Variants in RPS6KC1 observed in about 807,000 individuals in gnomAD.
The protein encoded by RPS6KC1 is inactive ribosomal protein S6 kinase delta-1.
Under a neutral mutation model 103.8 loss-of-function variants are expected in RPS6KC1, and 54 were observed. The ratio of observed to expected loss-of-function variants is 0.52; its 90% CI spans 0.42 to 0.65. RPS6KC1 has a LOEUF of 0.65. RPS6KC1 is among the 30% of genes least tolerant of loss of function. The pLI, the probability that RPS6KC1 is intolerant of heterozygous loss-of-function variation, is 0.00. For missense variants in RPS6KC1, 1,151 were observed against 1,253.8 expected (o/e 0.92, Z 1.24); for synonymous variants, 439 against 438.7 (o/e 1.00, Z -0.01).
the RPS6KC1 span, among the ~76,000 whole-genome samples, chr1:213,447,829 C>T: frequency 6.6e-6 from 1 of 152,044 alleles, no homozygotes; most frequent in Admixed American, 6.6e-5. Flanking sequence ...TAACAATTGG[C>T]AGAGTAATTT....
intron 6 of RPS6KC1, 106 bp from the exon 7 acceptor site, chr1:213,167,752 T>C: frequency 1.8e-6 from 1 of 548,736 alleles, no homozygotes; most frequent in Non-Finnish European, 3.1e-6. Context: ...TATCTCTTCT[T>C]TTTTGTTAGA....
At chr1:213,245,374 C>A (rs2094438126) in intron 12 of RPS6KC1, among the ~76,000 whole-genome samples, 1 of 152,070 alleles carries the variant, frequency 6.6e-6, no homozygotes, top group Non-Finnish European at 1.5e-5. Context: ...CATGTGATCC[C>A]CTCCCTCTTA....
intron 6 of RPS6KC1, among the ~76,000 whole-genome samples, chr1:213,142,657 G>A (rs932655944): frequency 6.6e-6 from 1 of 151,990 alleles, no homozygotes; most frequent in Non-Finnish European, 1.5e-5. Flanking sequence ...GCTGCCATCC[G>A]GTAGATGGCG....
the RPS6KC1 span, among the ~76,000 whole-genome samples, chr1:213,303,678 A>G: frequency 6.6e-6 from 1 of 152,244 alleles, no homozygotes; most frequent in Non-Finnish European, 1.5e-5. Flanking sequence ...AATTATTTCA[A>G]GAATCCCCTG....
At chr1:213,145,967 G>GTTTTTTTTTTTTTTTTTTT (rs71573864) in intron 6 of RPS6KC1, among the ~76,000 whole-genome samples, 16 of 47,832 alleles carry the variant, frequency 3.3e-4, no homozygotes, top group African/African-American at 4.9e-4. Flanking sequence ...CATTCATTCT[G>GTTTTTTTTTTTTTTTTTTT]TTTTTTTTTT....
intron 12 of RPS6KC1, among the ~76,000 whole-genome samples, chr1:213,248,079 G>A (rs1402364503): frequency 1.3e-5 from 2 of 152,018 alleles, no homozygotes; most frequent in African/African-American, 2.4e-5. Flanking sequence ...ATAATTTATG[G>A]GACCTGGGTA....
the RPS6KC1 span, among the ~76,000 whole-genome samples, chr1:213,728,758 A>G: frequency 1.1e-4 from 17 of 152,098 alleles, no homozygotes; most frequent in African/African-American, 3.6e-4. Context: ...GCTTCTGCCA[A>G]TCAAATCTAG....
intron 3 of RPS6KC1, among the ~76,000 whole-genome samples, chr1:213,091,499 C>T (rs1324192554): frequency 6.6e-6 from 1 of 152,186 alleles, no homozygotes; most frequent in Admixed American, 6.5e-5. Context: ...TACTTTGTTA[C>T]ATTACAATCC....
chr1:213,629,630 T>C, the RPS6KC1 span, among the ~76,000 whole-genome samples: 1 of 152,156 alleles, frequency 6.6e-6, no homozygotes, highest in African/African-American at 2.4e-5. Flanking sequence ...GTCATTATGA[T>C]GTTAGCTGGT....
chr1:213,272,539 C>T lies in RPS6KC1; in HGVS notation c.3106C>T (p.Pro1036Ser). The change falls in exon 15 of 15, where the codon CCT becomes TCT. Residue 1036 changes from proline (P) to serine (S), a missense_variant. Pro to Ser is a moderately conservative substitution (Grantham distance 74). Transcript: ENST00000366960. ...CTTTTTTTAGCTCTTGCAGTTCAAT[C>T]CTCTGGAACGACTTGGTGCTGGAGT... is the stretch of plus-strand genomic sequence containing the variant. ...SLIQQLLQFN[P>S]LERLGAGVAG... 6.2e-7 allele frequency: 1 copy of T among 1,613,862 alleles called. No individual in the cohort carries two copies. The highest frequency in any genetic ancestry group is 8.5e-7 in the Non-Finnish European group (1 of 1,179,774).
the RPS6KC1 span, among the ~76,000 whole-genome samples, chr1:213,800,712 T>C: frequency 6.6e-6 from 1 of 152,216 alleles, no homozygotes; most frequent in Non-Finnish European, 1.5e-5. Flanking sequence ...CATCACTCTT[T>C]CTTAGCAGAC....
At chr1:213,663,732 C>A in the RPS6KC1 span, among the ~76,000 whole-genome samples, 1 of 152,236 alleles carries the variant, frequency 6.6e-6, no homozygotes, top group South Asian at 2.1e-4. Flanking sequence ...AGGTGCAGAC[C>A]CTCACAGGTG....
At chr1:213,290,786 C>T in the RPS6KC1 span, among the ~76,000 whole-genome samples, 2 of 152,100 alleles carry the variant, frequency 1.3e-5, no homozygotes, top group South Asian at 2.1e-4. Context: ...GGGACCCAAA[C>T]GCAGGCATGA....
intron 6 of RPS6KC1, among the ~76,000 whole-genome samples, chr1:213,154,882 G>A (rs1387055892): frequency 6.6e-6 from 1 of 152,248 alleles, no homozygotes; most frequent in Non-Finnish European, 1.5e-5. Context: ...AAGTCTGCAA[G>A]TCTCACAGGC....
chr1:213,662,635 C>T, the RPS6KC1 span, among the ~76,000 whole-genome samples: 1 of 152,128 alleles, frequency 6.6e-6, no homozygotes, highest in African/African-American at 2.4e-5. Context: ...CATAGATGTT[C>T]TGTGGCTCAA....
At chr1:213,515,663 T>C in the RPS6KC1 span, among the ~76,000 whole-genome samples, 2 of 152,214 alleles carry the variant, frequency 1.3e-5, no homozygotes, top group Non-Finnish European at 2.9e-5. Flanking sequence ...TCAGGTAGTG[T>C]GATGCCTCCA....
chr1:213,664,896 G>A, the RPS6KC1 span, among the ~76,000 whole-genome samples: 1 of 152,094 alleles, frequency 6.6e-6, no homozygotes, highest in African/African-American at 2.4e-5. Flanking sequence ...CTTTATATAT[G>A]AAAGAGCATA....
chr1:213,378,750 G>A, the RPS6KC1 span, among the ~76,000 whole-genome samples: 2 of 152,116 alleles, frequency 1.3e-5, no homozygotes, highest in Non-Finnish European at 2.9e-5. Flanking sequence ...AAGAAGTGAA[G>A]AATCCTGCCA....
chr1:213,858,139 T>C, the RPS6KC1 span, among the ~76,000 whole-genome samples: 7 of 152,182 alleles, frequency 4.6e-5, no homozygotes, highest in African/African-American at 1.7e-4. Context: ...ATGATAATGA[T>C]AATAATTGTA....
Sources: gnomAD v4.1 joint callset for allele counts (sites outside exome capture counted in the v4.1 genomes callset) on GRCh38, gnomAD v4.1.1 for gene constraint, MANE v1.5 for transcripts, NCBI Gene and HGNC (gene_info 2026-07-23, HGNC 2026-07-21) for gene names.